PEBP4: variants seen among roughly 807,000 people sequenced by gnomAD.
PEBP4 encodes the protein phosphatidylethanolamine-binding protein 4.
Under a neutral mutation model 23.9 loss-of-function variants are expected in PEBP4, and 22 were observed. The ratio of observed to expected loss-of-function variants is 0.92; its 90% CI spans 0.66 to 1.31. The LOEUF is 1.31. Among genes scored for constraint, PEBP4 ranks in the 40% most tolerant of loss-of-function variants. The pLI is 0.00. For missense variants in PEBP4, 324 were observed against 281.7 expected, an observed-to-expected ratio of 1.15 and a Z score of -1.07; for synonymous variants, 112 against 99.3, an observed-to-expected ratio of 1.13 and a Z score of -0.76.
intron 4 of PEBP4, among the ~76,000 whole-genome samples, chr8:22,756,287 C>A (rs982685451): frequency 6.6e-6 from 1 of 152,194 alleles, no homozygotes; most frequent in East Asian, 1.9e-4. Context: ...GTGCGAGAAC[C>A]TCTGCCCCTG....
chr8:22,855,884 A>G (rs1228098986), intron 3 of PEBP4, among the ~76,000 whole-genome samples: 2 of 151,902 alleles, frequency 1.3e-5, no homozygotes, highest in Non-Finnish European at 2.9e-5. Flanking sequence ...TTACAAAAAA[A>G]TTTTAAAAAT....
chr8:22,859,950 C>T (rs1425424274), intron 3 of PEBP4, among the ~76,000 whole-genome samples: 1 of 151,286 alleles, frequency 6.6e-6, no homozygotes, highest in African/African-American at 2.4e-5. Flanking sequence ...GACCCCATCC[C>T]TACAAAAAAT....
At chr8:22,773,631 C>T (rs550224176) in intron 4 of PEBP4, among the ~76,000 whole-genome samples, 197 of 152,254 alleles carry the variant, frequency 1.3e-3, no homozygotes, top group Non-Finnish European at 1.7e-3. Context: ...CCTTCCTGGC[C>T]CCTGAGAGGG....
intron 3 of PEBP4, among the ~76,000 whole-genome samples, chr8:22,856,740 T>TAA (rs1807661965): frequency 6.7e-6 from 1 of 150,222 alleles, no homozygotes; most frequent in African/African-American, 2.5e-5. Context: ...TAAATAAATA[T>TAA]ATAGAAAAAT....
intron 4 of PEBP4, among the ~76,000 whole-genome samples, chr8:22,750,522 A>G (rs74340693): frequency 0.031 from 4,708 of 152,268 alleles, 91 homozygotes; most frequent in East Asian, 0.097. Context: ...ATCAAGGTGG[A>G]TGGTTCTGGG....
At chr8:22,776,393 A>C (rs1805816000) in intron 4 of PEBP4, among the ~76,000 whole-genome samples, 1 of 152,134 alleles carries the variant, frequency 6.6e-6, no homozygotes. Flanking sequence ...CAGTAAAATT[A>C]TGTGGTTTGG....
intron 6 of PEBP4, among the ~76,000 whole-genome samples, chr8:22,724,402 C>T (rs971059716): frequency 1.3e-5 from 2 of 152,204 alleles, no homozygotes; most frequent in Non-Finnish European, 2.9e-5. Context: ...ATGGCACAGC[C>T]GACCCAGTAA....
At chr8:22,868,018 G>A (rs1218949886) in intron 3 of PEBP4, among the ~76,000 whole-genome samples, 4 of 152,298 alleles carry the variant, frequency 2.6e-5, no homozygotes, top group South Asian at 2.1e-4. Flanking sequence ...AGCCCAGCCC[G>A]GCTGGCAGGG....
chr8:22,925,122 TTCA>T (rs1020931901), intron 2 of PEBP4: 26 of 985,206 alleles, frequency 2.6e-5, no homozygotes, highest in Non-Finnish European at 3.1e-5. Flanking sequence ...CATTTTTCAT[TTCA>T]TCATCATTCA....
intron 4 of PEBP4, among the ~76,000 whole-genome samples, chr8:22,747,089 AAAG>A (rs1441686956): frequency 6.6e-6 from 1 of 152,210 alleles, no homozygotes; most frequent in African/African-American, 2.4e-5. Flanking sequence ...CTGGCCTCCC[AAAG>A]TGCTGGGATT....
intron 4 of PEBP4, among the ~76,000 whole-genome samples, chr8:22,762,803 C>T (rs1805535735): frequency 6.6e-6 from 1 of 152,168 alleles, no homozygotes; most frequent in South Asian, 2.1e-4. Flanking sequence ...CGTTGTGTTA[C>T]AGCCAAGGAT....
chr8:22,926,917 G>A (rs994818036), intron 2 of PEBP4, among the ~76,000 whole-genome samples: 6 of 152,180 alleles, frequency 3.9e-5, no homozygotes, highest in East Asian at 1.9e-4. Context: ...TTTGGCATCA[G>A]TTTGGCCTGG....
At chr8:22,910,703 A>G (rs1236362977) in intron 3 of PEBP4, among the ~76,000 whole-genome samples, 1 of 152,254 alleles carries the variant, frequency 6.6e-6, no homozygotes, top group Non-Finnish European at 1.5e-5. Context: ...CTCTCTATTA[A>G]TTTGAAAAGA....
chr8:22,754,210 C>T (rs1357667119), intron 4 of PEBP4, among the ~76,000 whole-genome samples: 1 of 152,134 alleles, frequency 6.6e-6, no homozygotes, highest in African/African-American at 2.4e-5. Flanking sequence ...GCCGCCCCAC[C>T]CACAGGGTGC....
chr8:22,902,875 G>A (rs540204436), intron 3 of PEBP4, among the ~76,000 whole-genome samples: 2 of 152,340 alleles, frequency 1.3e-5, no homozygotes, highest in East Asian at 3.9e-4. Context: ...GAGAACAGAA[G>A]CTCCAAACTC....
In PEBP4 at chr8:22,847,761, G is replaced by C. The variant is rs942095160; in HGVS notation, c.259-30026C>G. ...AGGGAAGACTGGGTGAGTGGAGGAA[G>C]CTGAGGATGGTCTGAGTTCTACGTG... On this transcript the variant is annotated intron_variant, in intron 3 of 6. Coordinates refer to ENST00000256404, the MANE Select transcript of PEBP4 (RefSeq NM_144962.3). 4.6e-5 allele frequency among the ~76,000 whole-genome samples: 7 copies of C among 152,252 alleles called. No individual in the cohort carries two copies. The East Asian group carries it at 1.4e-3, about 29-fold the overall frequency.
chr8:22,722,382 T>C (rs564940798), intron 6 of PEBP4, among the ~76,000 whole-genome samples: 2 of 152,168 alleles, frequency 1.3e-5, no homozygotes, highest in Admixed American at 6.5e-5. Flanking sequence ...GGTTCATTGA[T>C]TGGCCTCAAA....
chr8:22,808,898 G>C (rs187142574), intron 4 of PEBP4, among the ~76,000 whole-genome samples: 1 of 152,132 alleles, frequency 6.6e-6, no homozygotes, highest in East Asian at 1.9e-4. Flanking sequence ...TGCTGAGAGC[G>C]GTGTGGGTCA....
At chr8:22,826,515 T>C (rs1806971837) in intron 3 of PEBP4, among the ~76,000 whole-genome samples, 1 of 152,194 alleles carries the variant, frequency 6.6e-6, no homozygotes. Context: ...CAAGTGCCCA[T>C]GAGCTGGGGA....
Sources: allele counts gnomAD v4.1 joint callset (sites outside exome capture counted in the v4.1 genomes callset), GRCh38; gene constraint gnomAD v4.1.1; transcripts MANE v1.5; gene names NCBI Gene and HGNC (gene_info 2026-07-23, HGNC 2026-07-21).